The following ZNF793 variants were observed in gnomAD, a reference collection of about 807,000 sequenced individuals.
ZNF793 encodes zinc finger protein 793.
In ZNF793, 5 loss-of-function variants were observed where a neutral mutation model predicts 12.4. That is an observed-to-expected ratio of 0.40 (90% CI 0.21 to 0.84). The LOEUF (loss-of-function observed/expected upper bound fraction) is 0.84. Ranked by LOEUF, ZNF793 falls within the 40% of genes least tolerant of loss-of-function variation. The probability of loss-of-function intolerance (pLI) is 0.35; values close to 1 mark genes in which losing one functional copy is unlikely to be tolerated. For missense variants in ZNF793, 456 were observed against 495.0 expected (o/e 0.92, Z 0.75); for synonymous variants, 162 against 172.4 (o/e 0.94, Z 0.47).
intron 5 of ZNF793, among the ~76,000 whole-genome samples, chr19:37,525,701 G>A (rs188140796): frequency 4.6e-5 from 7 of 152,002 alleles, no homozygotes; most frequent in Admixed American, 2.0e-4. Context: ...GATTACAGGC[G>A]TGAGCCACCG....
At chr19:37,520,474 T>A (rs1386522632) in intron 3 of ZNF793, among the ~76,000 whole-genome samples, 162 bp downstream of exon 3, 2 of 152,142 alleles carry the variant, frequency 1.3e-5, no homozygotes, top group African/African-American at 4.8e-5. Context: ...AGGAAATAGC[T>A]TCATCCCTGA....
chr19:37,532,153 A>G (rs1312075370), intron 5 of ZNF793, among the ~76,000 whole-genome samples: 2 of 151,882 alleles, frequency 1.3e-5, no homozygotes, highest in Non-Finnish European at 2.9e-5. Flanking sequence ...AGCTGAGATT[A>G]CAAGTGTGCA....
chr19:37,524,291 A>G (rs2042397190), intron 5 of ZNF793, among the ~76,000 whole-genome samples: 1 of 151,982 alleles, frequency 6.6e-6, no homozygotes, highest in African/African-American at 2.4e-5. Context: ...TGTTATCTTT[A>G]TTTTTTGTAA....
At chr19:37,532,812 T>G (rs2042472815) in intron 6 of ZNF793, among the ~76,000 whole-genome samples, 1 of 152,024 alleles carries the variant, frequency 6.6e-6, no homozygotes, top group South Asian at 2.1e-4. Context: ...AGAGCGAAAC[T>G]GTCTCAAAAA....
intron 4 of ZNF793, among the ~76,000 whole-genome samples, chr19:37,522,965 AAT>A (rs1186955773): frequency 1.3e-5 from 2 of 152,194 alleles, no homozygotes; most frequent in Admixed American, 6.5e-5. Context: ...TGACCTATAT[AAT>A]ATTTCAAAGT....
At chr19:37,536,605 A>G (rs1406315415) in intron 7 of ZNF793, 10 of 424,108 alleles carry the variant, frequency 2.4e-5, no homozygotes, top group Non-Finnish European at 3.7e-5. Flanking sequence ...GACGGAGACC[A>G]TATGGCCCAC....
intron 2 of ZNF793, among the ~76,000 whole-genome samples, chr19:37,510,515 C>CA (rs1158855173): frequency 0.064 from 4,531 of 70,684 alleles, 150 homozygotes; most frequent in Admixed American, 0.12. Flanking sequence ...AACTCCATCT[C>CA]AAAAAAAAAA....
intron 4 of ZNF793, among the ~76,000 whole-genome samples, chr19:37,523,035 T>C (rs2042387378): frequency 6.6e-6 from 1 of 152,186 alleles, no homozygotes; most frequent in Non-Finnish European, 1.5e-5. Flanking sequence ...ATTTATTTAA[T>C]TTTTGAGACA....
At chr19:37,528,802 T>G (rs2042435631) in intron 5 of ZNF793, among the ~76,000 whole-genome samples, 2 of 152,242 alleles carry the variant, frequency 1.3e-5, no homozygotes, top group African/African-American at 4.8e-5. Flanking sequence ...GATCTCCTGC[T>G]GAACTCATCT....
chr19:37,534,210 C>T (rs1023951656), intron 7 of ZNF793: 3 of 152,120 alleles, frequency 2.0e-5, no homozygotes, highest in African/African-American at 7.2e-5. Context: ...TGGCTCAAAC[C>T]CAGCATTTTC....
rs1433313599 is a variant in ZNF793, at chr19:37,536,886, A to G, written c.239-11A>G. The G allele has an allele frequency of 1.9e-6, 3 of 1,587,614 alleles. No individual in the cohort carries two copies. ...AAGTTTCATAAGGATGATTCACTGT[A>G]CTTTCTCCAGAAGACATCTGGCGAG... On this transcript the variant is annotated splice_polypyrimidine_tract_variant and intron_variant, in intron 7 of 7. Coordinates refer to ENST00000627814, the MANE Select transcript of ZNF793 (RefSeq NM_001013659.3).
chr19:37,521,429 CTTTTTTT>C (rs74174472), intron 3 of ZNF793, among the ~76,000 whole-genome samples: 85 of 97,026 alleles, frequency 8.8e-4, no homozygotes, highest in African/African-American at 3.1e-3. Flanking sequence ...GGTCAATTCT[CTTTTTTT>C]TTTTTTTTTT....
intron 7 of ZNF793, 168 bp downstream of exon 7, chr19:37,533,571 T>G: frequency 1.6e-6 from 1 of 607,080 alleles, no homozygotes; most frequent in Non-Finnish European, 2.9e-6. Flanking sequence ...AGTGTTTTTC[T>G]CGGCTCTACT....
intron 5 of ZNF793, among the ~76,000 whole-genome samples, chr19:37,527,677 T>C (rs1033734474): frequency 2.0e-5 from 3 of 152,168 alleles, no homozygotes; most frequent in Non-Finnish European, 4.4e-5. Flanking sequence ...TAGGGAGCAG[T>C]CCACAAGACC....
chr19:37,538,022 C>T lies in ZNF793; in HGVS notation c.*143C>T. ...TGCCTCCCGGGTTCACGCCATTCTC[C>T]TGCCTCAGCCTCCCGAGTAGCTGGG... is the stretch of plus-strand genomic sequence containing the variant. On this transcript the variant is annotated 3_prime_UTR_variant, in exon 8 of 8. Coordinates refer to ENST00000627814, the MANE Select transcript of ZNF793 (RefSeq NM_001013659.3). 2 of 992,648 alleles carry T rather than the reference C, an allele frequency of 2.0e-6. No individual in the cohort carries two copies. The highest frequency in any genetic ancestry group is 2.8e-6 in the Non-Finnish European group (2 of 705,960). The allele number at this position is 992,648 out of a possible 1,614,324, so 61.5% of individuals were successfully genotyped here.
chr19:37,538,143 C>A lies in ZNF793; in HGVS notation c.*264C>A, dbSNP rs549079702. 3 of 337,680 alleles carry A rather than the reference C, an allele frequency of 8.9e-6. No homozygotes were observed. The highest frequency in any genetic ancestry group is 4.1e-5 in the South Asian group (1 of 24,232). The allele number at this position is 337,680 out of a possible 1,614,324, so 20.9% of individuals were successfully genotyped here. On this transcript the variant is annotated 3_prime_UTR_variant, in exon 8 of 8. Transcript: ENST00000627814. ...TGTTAGCCAGGATGGTCTCGATCTC[C>A]TGACCTTGTGATCTGCCCGCCTTGT...
At chr19:37,522,509 T>A (rs7247090) in intron 3 of ZNF793, 23 bp from the exon 4 acceptor site, 54,690 of 152,046 alleles carry the variant, frequency 0.36, 11,538 homozygotes, top group Non-Finnish European at 0.48. Context: ...TATAGCAACT[T>A]TTCTTTTCTT....
intron 5 of ZNF793, among the ~76,000 whole-genome samples, chr19:37,527,247 T>C (rs1225059609): frequency 6.6e-6 from 1 of 152,084 alleles, no homozygotes; most frequent in Non-Finnish European, 1.5e-5. Flanking sequence ...AGAGATGGGG[T>C]TTCACCATAT....
chr19:37,528,904 G>C lies in ZNF793; in HGVS notation c.16-3452G>C, dbSNP rs181467073. 4.0e-3 allele frequency among the ~76,000 whole-genome samples: 613 copies of C among 152,274 alleles called. 3 individuals are homozygous for C. The highest frequency in any genetic ancestry group is 0.014 in the African/African-American group (584 of 41,568). ...TGCAGAGGAATCTCACTTTTGTGCT[G>C]ATGCTCAGCATTTTAGCTCCATTCC... is the stretch of plus-strand genomic sequence containing the variant. On this transcript the variant is annotated intron_variant, in intron 5 of 7. Coordinates refer to ENST00000627814, the MANE Select transcript of ZNF793 (RefSeq NM_001013659.3).
Sources: gnomAD v4.1 joint callset for allele counts (sites outside exome capture counted in the v4.1 genomes callset) on GRCh38, gnomAD v4.1.1 for gene constraint, MANE v1.5 for transcripts, NCBI Gene and HGNC (gene_info 2026-07-23, HGNC 2026-07-21) for gene names.